Variants in ANK2 observed in about 807,000 individuals in gnomAD.
ANK2 encodes ankyrin-2.
ANK2 carries 83 observed loss-of-function variants against 360.5 expected under a neutral mutation model. That is an observed-to-expected ratio of 0.23 (90% CI 0.19 to 0.28). ANK2 has a LOEUF of 0.28. ANK2 is among the 10% of genes least tolerant of loss of function. ANK2 has a pLI of 1.00. For missense variants in ANK2, 4,201 were observed against 4,795.7 expected (o/e 0.88, Z 3.66); for synonymous variants, 1,740 against 1,759.5 (o/e 0.99, Z 0.28).
intron 24 of ANK2, among the ~76,000 whole-genome samples, chr4:113,313,205 A>G (rs967852746): frequency 6.6e-6 from 1 of 152,166 alleles, no homozygotes; most frequent in African/African-American, 2.4e-5. Context: ...AAAGATTTCA[A>G]ATTTGAATAA....
At chr4:113,306,358 AAGAG>A (rs1329072903) in intron 23 of ANK2, among the ~76,000 whole-genome samples, 1 of 152,188 alleles carries the variant, frequency 6.6e-6, no homozygotes, top group Non-Finnish European at 1.5e-5. Flanking sequence ...AGGAAAGTAC[AAGAG>A]AGAGACACAG....
chr4:112,920,789 T>G lies in ANK2; in HGVS notation c.21+16275T>G, dbSNP rs530030377. Among the ~76,000 whole-genome samples the G allele has an allele frequency of 2.6e-4, 39 of 152,268 alleles. No individual in the cohort carries two copies. In the South Asian group the frequency reaches 7.9e-3, roughly 31 times the overall value. On this transcript the variant is annotated intron_variant, in intron 2 of 30. Transcript: ENST00000503271. The stretch of plus-strand genomic sequence containing the variant: ...CATTTAGTTGAACCCTCATATTCAC[T>G]ATACCATATGGCACATACATGTACT...
the ANK2 span, among the ~76,000 whole-genome samples, chr4:112,770,711 C>A: frequency 5.8e-3 from 707 of 121,576 alleles, 10 homozygotes; most frequent in East Asian, 0.052. Flanking sequence ...CTCTCTCTCT[C>A]AAAAAAAAAA....
chr4:113,262,704 A>G (rs1197896702), intron 13 of ANK2, among the ~76,000 whole-genome samples: 6 of 150,508 alleles, frequency 4.0e-5, no homozygotes, highest in African/African-American at 1.5e-4. Context: ...ACAACTATAT[A>G]GCATTTACAT....
intron 1 of ANK2, among the ~76,000 whole-genome samples, chr4:113,137,048 G>A (rs1392409696): frequency 6.6e-6 from 1 of 152,054 alleles, no homozygotes; most frequent in Non-Finnish European, 1.5e-5. Flanking sequence ...TGGCCAGGCT[G>A]GTCTCAAACT....
chr4:113,049,639 T>C, upstream of ANK2: 1 of 1,232,494 alleles, frequency 8.1e-7, no homozygotes, highest in Admixed American at 2.2e-5. Context: ...CTCCTCCTCC[T>C]GCTTTCCTCC....
intron 1 of ANK2, among the ~76,000 whole-genome samples, chr4:113,089,525 C>G (rs1485689876): frequency 6.6e-6 from 1 of 152,114 alleles, no homozygotes; most frequent in African/African-American, 2.4e-5. Flanking sequence ...GATATTTCAT[C>G]AATTAAAAAA....
At chr4:113,345,657 T>C (rs1456276195) in intron 34 of ANK2, among the ~76,000 whole-genome samples, 1 of 152,170 alleles carries the variant, frequency 6.6e-6, no homozygotes, top group African/African-American at 2.4e-5. Context: ...TATCAAATCA[T>C]CACATTGTAC....
chr4:112,812,919 T>TAAA, the ANK2 span, among the ~76,000 whole-genome samples: 1 of 152,122 alleles, frequency 6.6e-6, no homozygotes, highest in East Asian at 1.9e-4. Flanking sequence ...TGGTTCTTTT[T>TAAA]AGTGAGGAAT....
Position 113,163,023 on chromosome 4 carries a change from T to C in ANK2, c.85-11393T>C, listed in dbSNP as rs931556160. Reference sequence around the variant, plus strand: ...CAGTAGGTTTACATATTTAGATAGATACAGCTAGATCCTTCCAGTAATTTA... The same window carrying C: ...CAGTAGGTTTACATATTTAGATAGACACAGCTAGATCCTTCCAGTAATTTA... On this transcript the variant is annotated intron_variant, in intron 1 of 45. Coordinates refer to ENST00000357077, the MANE Select transcript of ANK2 (RefSeq NM_001148.6). Among the ~76,000 whole-genome samples the C allele has an allele frequency of 3.9e-5, 6 of 152,202 alleles. No individual in the cohort carries two copies. In the East Asian group the frequency reaches 9.6e-4, roughly 24 times the overall value.
intron 26 of ANK2, among the ~76,000 whole-genome samples, chr4:113,322,302 G>C (rs2086718309): frequency 6.6e-6 from 1 of 152,136 alleles, no homozygotes; most frequent in Admixed American, 6.5e-5. Flanking sequence ...TAAAAAATCT[G>C]TTCTGCTCAA....
chr4:112,739,101 G>A, the ANK2 span: 1 of 499,444 alleles, frequency 2.0e-6, no homozygotes, highest in Admixed American at 2.5e-5. Flanking sequence ...CAAAGAAAAT[G>A]AATAGATAGC....
intron 2 of ANK2, among the ~76,000 whole-genome samples, chr4:112,934,502 A>G (rs2093562568): frequency 6.6e-6 from 1 of 152,162 alleles, no homozygotes; most frequent in African/African-American, 2.4e-5. Context: ...CAACTTTTCT[A>G]TATTTTCAAC....
At chr4:113,048,263 TATATATATATA>T, upstream of ANK2, among the ~76,000 whole-genome samples, 2 of 91,856 alleles carry the variant, frequency 2.2e-5, no homozygotes, top group African/African-American at 1.4e-4. Flanking sequence ...TATATATATA[TATATATATATA>T]TATTTTTTTT....
intron 17 of ANK2, among the ~76,000 whole-genome samples, chr4:113,282,060 A>G (rs1002422239): frequency 1.3e-5 from 2 of 152,230 alleles, no homozygotes; most frequent in Non-Finnish European, 2.9e-5. Flanking sequence ...TTGTTGAACC[A>G]GTTTAAAGTA....
At chr4:112,719,973 G>C in the ANK2 span, among the ~76,000 whole-genome samples, 1 of 152,202 alleles carries the variant, frequency 6.6e-6, no homozygotes, top group African/African-American at 2.4e-5. Flanking sequence ...GGGGGAGGTG[G>C]CAGGATATGA....
At chr4:112,812,569 C>T in the ANK2 span, among the ~76,000 whole-genome samples, 4 of 152,140 alleles carry the variant, frequency 2.6e-5, no homozygotes. Context: ...GTGAATGAAC[C>T]CTCAGAGGAT....
At chr4:113,137,718 AT>A (rs1325273202) in intron 1 of ANK2, among the ~76,000 whole-genome samples, 1 of 152,076 alleles carries the variant, frequency 6.6e-6, no homozygotes, top group African/African-American at 2.4e-5. Flanking sequence ...AGTGTGATTT[AT>A]AAACTTCTGA....
intron 1 of ANK2, among the ~76,000 whole-genome samples, chr4:113,059,222 T>A (rs962866924): frequency 2.6e-5 from 4 of 152,192 alleles, no homozygotes; most frequent in Non-Finnish European, 4.4e-5. Flanking sequence ...CAGTCTGCTT[T>A]AATGTTCTCC....
Sources: allele counts gnomAD v4.1 joint callset (sites outside exome capture counted in the v4.1 genomes callset), GRCh38; gene constraint gnomAD v4.1.1; transcripts MANE v1.5; gene names NCBI Gene and HGNC (gene_info 2026-07-23, HGNC 2026-07-21).